RAD51AP1: variants seen among roughly 807,000 people sequenced by gnomAD.
RAD51AP1 encodes the protein RAD51 associated protein 1.
RAD51AP1 carries 14 observed loss-of-function variants against 34.3 expected under a neutral mutation model. The observed-to-expected ratio is 0.41, with a 90% CI of 0.27 to 0.64. The LOEUF is 0.64. Ranked by LOEUF, RAD51AP1 falls within the 30% of genes least tolerant of loss-of-function variation. RAD51AP1 has a pLI of 0.33. For missense variants in RAD51AP1, 348 were observed against 386.9 expected, an observed-to-expected ratio of 0.90 and a Z score of 0.84; for synonymous variants, 114 against 129.8, an observed-to-expected ratio of 0.88 and a Z score of 0.83.
rs1323448114 is a variant in RAD51AP1, at chr12:4,556,489, A to T, written c.858A>T (p.Lys286Asn). The T allele has an allele frequency of 6.2e-7, 1 of 1,613,640 alleles. No homozygotes were observed. The highest frequency in any genetic ancestry group is 8.5e-7 in the Non-Finnish European group (1 of 1,179,682). The change falls in exon 8 of 9, where the codon AAA becomes AAT. Residue 286 changes from lysine (K) to asparagine (N), a missense_variant. By Grantham distance (94) the Lys-to-Asn change is moderately conservative (BLOSUM62 0). Coordinates refer to ENST00000352618, the MANE Select transcript of RAD51AP1 (RefSeq NM_006479.5). ...RSPSAESKKPKWVPPAASGGS... is the reference protein window; with the variant it reads ...RSPSAESKKPNWVPPAASGGS... ...CTTCAGCTGAAAGCAAGAAACCTAA[A>T]TGGGTCCCACCAGGTATGGCATATT...
At chr12:4,558,098 A>G (rs1944595294) in intron 8 of RAD51AP1, among the ~76,000 whole-genome samples, 1 of 152,098 alleles carries the variant, frequency 6.6e-6, no homozygotes, top group African/African-American at 2.4e-5. Flanking sequence ...CCAAGACCCC[A>G]AAAGTAAAAT....
chr12:4,540,404 A>T (rs34361540), intron 1 of RAD51AP1, among the ~76,000 whole-genome samples: 67 of 152,170 alleles, frequency 4.4e-4, no homozygotes, highest in Non-Finnish European at 8.1e-4. Flanking sequence ...CTTTCATAAC[A>T]ATACTAAGAT....
At position 4,553,079 on chromosome 12, in the gene RAD51AP1, A is replaced by G. The variant is rs781387406; in HGVS notation, c.653A>G (p.Lys218Arg). The G allele has an allele frequency of 6.2e-7, 1 of 1,607,930 alleles. No individual in the cohort carries two copies. The highest frequency in any genetic ancestry group is 1.1e-5 in the South Asian group (1 of 89,804). Residue 218 changes from lysine (K) to arginine (R), a missense_variant, in exon 7 of 9, where the codon AAA becomes AGA. By Grantham distance (26) the Lys-to-Arg change is conservative (BLOSUM62 2). Transcript: ENST00000352618. ...RKSKVKEIKK[K>R]EVKVKSPVEK... ...AGTAAAGTTAAAGAAATTAAAAAGA[A>G]AGAAGTGAAGGTAAAATCCCCAGTA...
At chr12:4,556,274 T>C (rs1400488835) in intron 7 of RAD51AP1, 79 bp from the exon 8 acceptor site, 17 of 1,064,932 alleles carry the variant, frequency 1.6e-5, no homozygotes, top group Non-Finnish European at 2.4e-5. Flanking sequence ...TATGTAACTT[T>C]ATAATTTTTA....
rs564318002 is a variant in RAD51AP1, at chr12:4,545,662, G to C, written c.210-647G>C. 17 of 938,880 alleles carry C rather than the reference G, an allele frequency of 1.8e-5. No homozygotes were observed. In the East Asian group the frequency reaches 4.1e-4, roughly 23 times the overall value. 58.2% of individuals were successfully genotyped at this position (938,880 alleles called of 1,614,324 possible). A position where few individuals can be genotyped will look rare whatever the true frequency, so the allele number is the denominator to read the frequency against. The stretch of plus-strand genomic sequence containing the variant: ...TAACTTTTCCTTATCTGTCTTTGAC[G>C]TTTTCTTCCTCTTATACTCCATAGC... On this transcript the variant is annotated intron_variant, in intron 3 of 8. Coordinates refer to ENST00000352618, the MANE Select transcript of RAD51AP1 (RefSeq NM_006479.5).
At chr12:4,551,426 CAG>C (rs1944545481) in intron 6 of RAD51AP1, among the ~76,000 whole-genome samples, 3 of 143,536 alleles carry the variant, frequency 2.1e-5, no homozygotes, top group South Asian at 2.2e-4. Context: ...ACCTGGGAGA[CAG>C]AGGTTGCAGT....
intron 3 of RAD51AP1, chr12:4,545,279 AC>A (rs933448107): frequency 2.3e-6 from 1 of 431,916 alleles, no homozygotes. Context: ...AACCTTGGAA[AC>A]ATCATTCTGA....
At chr12:4,549,761 C>T (rs1363727228) in intron 6 of RAD51AP1, among the ~76,000 whole-genome samples, 1 of 152,144 alleles carries the variant, frequency 6.6e-6, no homozygotes, top group East Asian at 1.9e-4. Context: ...TGTTCCAAAA[C>T]CCAAAGAAAA....
At chr12:4,557,195 T>C (rs1451703494) in intron 8 of RAD51AP1, among the ~76,000 whole-genome samples, 1 of 152,228 alleles carries the variant, frequency 6.6e-6, no homozygotes. Flanking sequence ...ATGTTGTATG[T>C]ATGCCTCTCT....
chr12:4,547,521 G>A (rs76787269), intron 4 of RAD51AP1, among the ~76,000 whole-genome samples: 1,676 of 152,322 alleles, frequency 0.011, 37 homozygotes, highest in African/African-American at 0.037. Flanking sequence ...TATAAGGGGA[G>A]TTCCTTAGAA....
chr12:4,539,066 G>C lies in RAD51AP1; in HGVS notation c.17+110G>C, dbSNP rs1366651987. 3 of 1,237,776 alleles carry C rather than the reference G, an allele frequency of 2.4e-6. No homozygotes were observed. The Admixed American group carries it at 5.9e-5, about 24-fold the overall frequency. The allele number at this position is 1,237,776 out of a possible 1,614,324, so 76.7% of individuals were successfully genotyped here. Reference sequence around the variant, plus strand: ...CGGAGGGCAGCGATGGTGGGGTTAGGATGGACGGTTATCAAGAACCCAGTC... The same window carrying C: ...CGGAGGGCAGCGATGGTGGGGTTAGCATGGACGGTTATCAAGAACCCAGTC... On this transcript the variant is annotated intron_variant, in intron 1 of 8. Coordinates refer to ENST00000352618, the MANE Select transcript of RAD51AP1 (RefSeq NM_006479.5).
At chr12:4,544,510 T>C (rs578079714) in intron 3 of RAD51AP1, among the ~76,000 whole-genome samples, 175 of 152,292 alleles carry the variant, frequency 1.1e-3, no homozygotes, top group African/African-American at 3.6e-3. Context: ...ATATATAATG[T>C]TTTACTGCCA....
At chr12:4,558,725 A>T in intron 8 of RAD51AP1, 132 bp from the exon 9 acceptor site, 1 of 1,033,300 alleles carries the variant, frequency 9.7e-7, no homozygotes, top group Non-Finnish European at 1.4e-6. Flanking sequence ...CTTTTGATCT[A>T]GTTTATTGCT....
At chr12:4,554,931 A>G (rs1306372893) in intron 7 of RAD51AP1, among the ~76,000 whole-genome samples, 2 of 152,212 alleles carry the variant, frequency 1.3e-5, no homozygotes, top group Admixed American at 1.3e-4. Context: ...TCAGTTTTGC[A>G]AGCCACATTT....
intron 6 of RAD51AP1, 72 bp downstream of exon 6, chr12:4,548,908 G>A (rs1944526361): frequency 2.0e-6 from 3 of 1,520,656 alleles, no homozygotes; most frequent in African/African-American, 2.7e-5. Context: ...GCTATTAATT[G>A]TGCAAAGCAC....
rs1160012438 is a variant in RAD51AP1 at position 4,548,737 on chromosome 12, A to G, written c.457A>G (p.Arg153Gly). Reference protein sequence around the residue: ...EDDVGGVQGKRKAASKAAAQQ... With the variant: ...EDDVGGVQGKGKAASKAAAQQ... ...TGATGTTGGTGGTGTTCAAGGGAAA[A>G]GAAAAGCAGCATCTAAAGCTGCAGC... The change falls in exon 6 of 9, where the codon AGA (arginine) becomes GGA (glycine). Residue 153 changes from arginine (R) to glycine (G), a missense_variant. Physicochemically the swap from Arg to Gly is moderately radical, Grantham distance 125. Coordinates refer to ENST00000352618, the MANE Select transcript of RAD51AP1 (RefSeq NM_006479.5). 6 of 1,614,092 alleles carry G rather than the reference A, an allele frequency of 3.7e-6. No individual in the cohort carries two copies. The highest frequency in any genetic ancestry group is 1.3e-5 in the African/African-American group (1 of 75,064).
At position 4,559,951 on chromosome 12, in the gene RAD51AP1, AATGTATAAT is replaced by A. The variant is rs1258815519; in HGVS notation, c.*960_*968del. 4.6e-5 allele frequency: 7 copies of A among 152,230 alleles called. No homozygotes were observed. The highest frequency in any genetic ancestry group is 1.0e-4 in the Non-Finnish European group (7 of 68,030). 9.4% of individuals were successfully genotyped at this position (152,230 alleles called of 1,614,324 possible). On this transcript the variant is annotated 3_prime_UTR_variant, in exon 9 of 9. Coordinates refer to ENST00000352618, the MANE Select transcript of RAD51AP1 (RefSeq NM_006479.5). ...TTTCAAATCATGTTAGCTGTTAAAA[AATGTATAAT>A]AACTCAGTTTTTCTTGGTTTATGGA... is the stretch of plus-strand genomic sequence containing the variant.
At chr12:4,558,325 G>A (rs754061724) in intron 8 of RAD51AP1, among the ~76,000 whole-genome samples, 8 of 151,948 alleles carry the variant, frequency 5.3e-5, no homozygotes, top group Non-Finnish European at 5.9e-5. Flanking sequence ...TTGTGTAGGC[G>A]AGCAACTACA....
At chr12:4,547,270 C>A (rs765604602) in intron 4 of RAD51AP1, among the ~76,000 whole-genome samples, 1 of 152,096 alleles carries the variant, frequency 6.6e-6, no homozygotes, top group South Asian at 2.1e-4. Context: ...CACTATGTTG[C>A]GCATGCTGCC....
Sources: allele counts gnomAD v4.1 joint callset (sites outside exome capture counted in the v4.1 genomes callset), GRCh38; gene constraint gnomAD v4.1.1; transcripts MANE v1.5; gene names NCBI Gene and HGNC (gene_info 2026-07-23, HGNC 2026-07-21).